Variants in OTUD7A observed in about 807,000 individuals in gnomAD.
The protein encoded by OTUD7A is OTU domain-containing protein 7A.
A neutral mutation model predicts 65.7 loss-of-function variants in OTUD7A; 12 were observed. The observed-to-expected ratio is 0.18, with a 90% CI of 0.12 to 0.30. The LOEUF is 0.30. OTUD7A is among the 10% of genes least tolerant of loss of function. The pLI, the probability that OTUD7A is intolerant of heterozygous loss-of-function variation, is 1.00. For synonymous variants in OTUD7A, 641 were observed against 586.3 expected (o/e 1.09, Z -1.35); for missense variants, 1,148 against 1,304.8 (o/e 0.88, Z 1.85).
At chr15:31,566,277 A>G (rs987291973) in intron 4 of OTUD7A, among the ~76,000 whole-genome samples, 36 of 152,206 alleles carry the variant, frequency 2.4e-4, no homozygotes, top group Non-Finnish European at 4.6e-4. Context: ...CTCATCAGCC[A>G]TGAGAACAAG....
chr15:31,832,780 C>T (rs1896966344), intron 1 of OTUD7A, among the ~76,000 whole-genome samples: 1 of 152,170 alleles, frequency 6.6e-6, no homozygotes, highest in African/African-American at 2.4e-5. Flanking sequence ...TCAGAATTTG[C>T]TTTCTTACAA....
At chr15:31,595,228 C>T (rs572454281) in intron 3 of OTUD7A, among the ~76,000 whole-genome samples, 59 of 152,240 alleles carry the variant, frequency 3.9e-4, no homozygotes, top group Non-Finnish European at 5.6e-4. Flanking sequence ...ATGGTAAGGA[C>T]GCAAGATTTT....
intron 1 of OTUD7A, among the ~76,000 whole-genome samples, chr15:31,803,298 C>T (rs1183106032): frequency 6.6e-6 from 1 of 152,174 alleles, no homozygotes; most frequent in East Asian, 1.9e-4. Context: ...ATCTATATCA[C>T]TTCAACAACC....
In OTUD7A at chr15:31,565,048, G is replaced by A. The variant is rs182980987; in HGVS notation, c.331+4970C>T. 1.7e-3 allele frequency among the ~76,000 whole-genome samples: 253 copies of A among 152,180 alleles called. 2 individuals are homozygous for A. Among genetic ancestry groups the A allele is most frequent in the African/African-American group, 5.8e-3 (242 of 41,536 alleles). Reference sequence around the variant, plus strand: ...ACAAGATAGCATCAAAACAAATACAGCAGAAAGGATGAAACTCAGAGAAGA... The same window carrying A: ...ACAAGATAGCATCAAAACAAATACAACAGAAAGGATGAAACTCAGAGAAGA... On this transcript the variant is annotated intron_variant, in intron 4 of 12. Coordinates refer to ENST00000307050, the MANE Select transcript of OTUD7A (RefSeq NM_001382637.1).
chr15:31,484,435 T>C lies in OTUD7A; in HGVS notation c.1661A>G (p.Asn554Ser), dbSNP rs1295128778. 1.2e-6 allele frequency: 2 copies of C among 1,602,996 alleles called. No homozygotes were observed. The highest frequency in any genetic ancestry group is 1.7e-5 in the Admixed American group (1 of 59,990). Residue 554 changes from asparagine to serine, a missense_variant, in exon 13 of 13, where the codon AAC (asparagine) becomes AGC (serine). Physicochemically the swap from Asn to Ser is conservative, Grantham distance 46 (BLOSUM62 1). Coordinates refer to ENST00000307050, the MANE Select transcript of OTUD7A (RefSeq NM_001382637.1). This position sits in a 1 kb window ranked among gnomAD's most constrained non-coding sequence, Gnocchi z 4.5. ...GLVHGKMGRA[N>S]SANGKNGDSA... The stretch of plus-strand genomic sequence containing the variant: ...GTCCCCGTTCTTGCCATTGGCGGAG[T>C]TGGCGCGGCCCATCTTGCCGTGCAC...
chr15:31,508,411 C>A (rs943468021), intron 8 of OTUD7A, among the ~76,000 whole-genome samples: 537 of 11,806 alleles, frequency 0.045, 2 homozygotes, highest in African/African-American at 0.26. Flanking sequence ...TGCAGTGGCG[C>A]CGATCTCCGC....
At chr15:31,661,127 T>C (rs1353803650) in intron 1 of OTUD7A, among the ~76,000 whole-genome samples, 5 of 152,244 alleles carry the variant, frequency 3.3e-5, no homozygotes, top group Non-Finnish European at 5.9e-5. Flanking sequence ...AGCAAAACAA[T>C]TCCTTAGTTG....
At chr15:31,846,676 G>C (rs1595811133) in intron 1 of OTUD7A, among the ~76,000 whole-genome samples, 1 of 152,260 alleles carries the variant, frequency 6.6e-6, no homozygotes, top group African/African-American at 2.4e-5. Flanking sequence ...TCAACACAGT[G>C]TCACATGGCC....
chr15:31,655,787 A>AG (rs1338826410), intron 2 of OTUD7A, among the ~76,000 whole-genome samples: 1 of 152,248 alleles, frequency 6.6e-6, no homozygotes, highest in African/African-American at 2.4e-5. Context: ...ATAACTGATG[A>AG]GGAAAAAAGA....
chr15:31,619,269 G>A (rs1025332921), intron 3 of OTUD7A, among the ~76,000 whole-genome samples: 10 of 152,176 alleles, frequency 6.6e-5, no homozygotes, highest in African/African-American at 2.4e-4. Context: ...CTCTTTTTTG[G>A]TTCCATATCA....
intron 1 of OTUD7A, among the ~76,000 whole-genome samples, chr15:31,793,529 C>A (rs1274095759): frequency 6.6e-6 from 1 of 152,200 alleles, no homozygotes; most frequent in African/African-American, 2.4e-5. Context: ...CTCCTACAAA[C>A]CAAAAATACA....
chr15:31,722,458 G>A (rs1293992612), intron 1 of OTUD7A, among the ~76,000 whole-genome samples: 1 of 152,254 alleles, frequency 6.6e-6, no homozygotes, highest in Admixed American at 6.5e-5. Context: ...ACTCTCACTG[G>A]CTGGAAATCG....
chr15:31,629,477 C>T (rs960831432), intron 3 of OTUD7A, among the ~76,000 whole-genome samples: 6 of 152,182 alleles, frequency 3.9e-5, no homozygotes, highest in Admixed American at 1.3e-4. Flanking sequence ...TTTTGAGGTG[C>T]TGCTGGATTC....
intron 1 of OTUD7A, among the ~76,000 whole-genome samples, chr15:31,808,970 A>G (rs1477338939): frequency 6.6e-6 from 1 of 152,146 alleles, no homozygotes; most frequent in Non-Finnish European, 1.5e-5. Flanking sequence ...TTGCTGGGCA[A>G]TTGCTCAAAG....
At chr15:31,754,156 G>A (rs970772290) in intron 1 of OTUD7A, among the ~76,000 whole-genome samples, 1 of 151,976 alleles carries the variant, frequency 6.6e-6, no homozygotes, top group Non-Finnish European at 1.5e-5. Context: ...TTGGCCATTT[G>A]TATATCTTCT....
chr15:31,829,491 A>G (rs1309569298), intron 1 of OTUD7A, among the ~76,000 whole-genome samples: 1 of 152,196 alleles, frequency 6.6e-6, no homozygotes, highest in Non-Finnish European at 1.5e-5. Flanking sequence ...CCATCTTGGC[A>G]TGATATGAGG....
chr15:31,828,715 T>C (rs1191085726), intron 1 of OTUD7A, among the ~76,000 whole-genome samples: 1 of 152,208 alleles, frequency 6.6e-6, no homozygotes, highest in Non-Finnish European at 1.5e-5. Context: ...TGTACTTTTT[T>C]CTGTCCTGGG....
chr15:31,639,623 T>C (rs1566955816), intron 3 of OTUD7A, among the ~76,000 whole-genome samples: 1 of 151,502 alleles, frequency 6.6e-6, no homozygotes. Context: ...CACTTTCCAT[T>C]CAAAACCAGC....
chr15:31,499,848 C>G (rs571040018), intron 10 of OTUD7A, among the ~76,000 whole-genome samples: 1 of 152,332 alleles, frequency 6.6e-6, no homozygotes, highest in African/African-American at 2.4e-5. Context: ...TTTTAGAAAC[C>G]AGGTCATCAG....
Sources: gnomAD v4.1 joint callset for allele counts (sites outside exome capture counted in the v4.1 genomes callset) on GRCh38, gnomAD v4.1.1 for gene constraint, Gnocchi (gnomAD v3.1) non-coding constraint, MANE v1.5 for transcripts, NCBI Gene and HGNC (gene_info 2026-07-23, HGNC 2026-07-21) for gene names.